Variants in GPAM observed in about 807,000 individuals in gnomAD.
GPAM encodes the protein glycerol-3-phosphate acyltransferase 1, mitochondrial.
A neutral mutation model predicts 105.0 loss-of-function variants in GPAM; 56 were observed. The ratio of observed to expected loss-of-function variants is 0.53; its 90% CI spans 0.43 to 0.67. The LOEUF is 0.67. Ranked by LOEUF, GPAM falls within the 30% of genes least tolerant of loss-of-function variation. GPAM has a pLI of 0.00. For missense variants in GPAM, 855 were observed against 989.8 expected, an observed-to-expected ratio of 0.86 and a Z score of 1.83; for synonymous variants, 368 against 354.4, an observed-to-expected ratio of 1.04 and a Z score of -0.43.
chr10:112,175,827 A>G, intron 5 of GPAM, 114 bp from the exon 6 acceptor site: 1 of 702,506 alleles, frequency 1.4e-6, no homozygotes. Context: ...TCTTTCTGAG[A>G]TTTAGGGTTC....
intron 11 of GPAM, among the ~76,000 whole-genome samples, chr10:112,167,319 G>A (rs1847235282): frequency 1.3e-5 from 2 of 152,168 alleles, no homozygotes; most frequent in Non-Finnish European, 2.9e-5. Context: ...GGAGTGGTAA[G>A]CTGGTAAAAC....
chr10:112,157,175 C>G, intron 19 of GPAM, 74 bp downstream of exon 19: 1 of 1,283,266 alleles, frequency 7.8e-7, no homozygotes, highest in Non-Finnish European at 1.1e-6. Context: ...ATCACCAGGA[C>G]TCCAGCTGAT....
chr10:112,178,690 T>C (rs1162601172), intron 4 of GPAM, among the ~76,000 whole-genome samples: 1 of 152,140 alleles, frequency 6.6e-6, no homozygotes, highest in East Asian at 1.9e-4. Context: ...ATTTCAGTTT[T>C]CCCAAAATAC....
chr10:112,159,485 A>G (rs1044906853), intron 17 of GPAM, among the ~76,000 whole-genome samples: 2 of 151,970 alleles, frequency 1.3e-5, no homozygotes, highest in Admixed American at 6.5e-5. Context: ...AGCCTCCCAA[A>G]GTGCTGAGAT....
intron 1 of GPAM, among the ~76,000 whole-genome samples, chr10:112,211,858 T>C (rs1365604794): frequency 6.6e-6 from 1 of 152,246 alleles, no homozygotes; most frequent in Non-Finnish European, 1.5e-5. Context: ...TAATGACCTT[T>C]TTCCTTAGGC....
chr10:112,162,022 T>C (rs1004677289), intron 14 of GPAM, among the ~76,000 whole-genome samples: 6 of 152,226 alleles, frequency 3.9e-5, no homozygotes, highest in Non-Finnish European at 8.8e-5. Context: ...GAGACACTTT[T>C]ATTGAAATAT....
At chr10:112,196,631 C>T (rs1847727745) in intron 1 of GPAM, among the ~76,000 whole-genome samples, 1 of 152,200 alleles carries the variant, frequency 6.6e-6, no homozygotes, top group Non-Finnish European at 1.5e-5. Context: ...ATGGTTTTAA[C>T]CACATCTTTT....
At chr10:112,220,393 AAATGGAACC>A in the GPAM span, among the ~76,000 whole-genome samples, 2 of 141,532 alleles carry the variant, frequency 1.4e-5, no homozygotes, top group Admixed American at 1.4e-4. Context: ...GCAGTAGGCA[AAATGGAACC>A]ACTGGGTGGT....
rs1847091547 is a variant in GPAM at position 112,159,930 on chromosome 10, T to C, written c.1883A>G (p.Asn628Ser). ...ACTCACCAGTGAGATGGTGCCTTCA[T>C]TGGAGAGAAGGTAGCACAGGCTGGC... ...KAASLCYLLS[N>S]EGTISLPCQT... Residue 628 changes from asparagine to serine, a missense_variant, in exon 17 of 22, where the codon AAT becomes AGT. Coordinates refer to ENST00000348367, the MANE Select transcript of GPAM (RefSeq NM_001244949.2). The C allele has an allele frequency of 1.2e-6, 2 of 1,613,702 alleles. No individual in the cohort carries two copies. Among genetic ancestry groups the C allele is most frequent in the South Asian group, 2.2e-5 (2 of 91,076 alleles).
intron 14 of GPAM, 128 bp from the exon 15 acceptor site, chr10:112,161,865 G>A: frequency 1.3e-6 from 1 of 743,572 alleles, no homozygotes; most frequent in Non-Finnish European, 2.4e-6. Flanking sequence ...TTTCCCATAA[G>A]TGTGATTTAC....
At chr10:112,184,715 G>C (rs919101031), upstream of GPAM, among the ~76,000 whole-genome samples, 32 of 152,318 alleles carry the variant, frequency 2.1e-4, no homozygotes, top group African/African-American at 7.7e-4. Flanking sequence ...AGAGGGAGCA[G>C]CCAAAAAGAG....
At chr10:112,197,495 T>G (rs1847738023) in intron 1 of GPAM, among the ~76,000 whole-genome samples, 1 of 151,930 alleles carries the variant, frequency 6.6e-6, no homozygotes, top group African/African-American at 2.4e-5. Flanking sequence ...TTTATTTATT[T>G]TTTTATTATA....
chr10:112,151,632 G>A lies in GPAM; in HGVS notation c.*1918C>T. On this transcript the variant is annotated 3_prime_UTR_variant, in exon 22 of 22. Transcript: ENST00000348367. ...TATTTTCTTTGCTTAGGTTGGCAAAGCAGCAGCTCTTTGCAGCAATGACAG... is the reference window on the plus strand; with the variant it reads ...TATTTTCTTTGCTTAGGTTGGCAAAACAGCAGCTCTTTGCAGCAATGACAG... 3.0e-6 allele frequency: 3 copies of A among 985,500 alleles called. No homozygotes were observed. Among genetic ancestry groups the A allele is most frequent in the South Asian group, 9.4e-5 (2 of 21,286 alleles). The allele number at this position is 985,500 out of a possible 1,614,324, so 61.0% of individuals were successfully genotyped here. A position where few individuals can be genotyped will look rare whatever the true frequency, so the allele number is the denominator to read the frequency against.
intron 9 of GPAM, among the ~76,000 whole-genome samples, chr10:112,169,222 A>G (rs1316344726): frequency 6.6e-6 from 1 of 152,180 alleles, no homozygotes; most frequent in African/African-American, 2.4e-5. Context: ...ATGACATATT[A>G]CCCGTAAAAA....
At chr10:112,199,641 G>A (rs1034647383) in intron 1 of GPAM, among the ~76,000 whole-genome samples, 1 of 152,190 alleles carries the variant, frequency 6.6e-6, no homozygotes, top group Non-Finnish European at 1.5e-5. Flanking sequence ...TCACGCTGCT[G>A]ATAAAGGTAA....
In GPAM at chr10:112,209,436, A is replaced by T. The variant is rs533744555; in HGVS notation, n.210+5732T>A. On this transcript the variant is annotated intron_variant and non_coding_transcript_variant, in intron 1 of 3. Transcript: ENST00000480130. ...CTCAGCCTGAGCATCAGCCCACAGG[A>T]TAATTAAAATGTGCTCCAAGGGGAG... Among the ~76,000 whole-genome samples, 5 of 152,028 alleles carry T rather than the reference A, an allele frequency of 3.3e-5. No individual in the cohort carries two copies. In the South Asian group the frequency reaches 1.0e-3, roughly 32 times the overall value.
chr10:112,151,290 G>A lies in GPAM; in HGVS notation c.*2260C>T, dbSNP rs770172594. 2.0e-6 allele frequency: 2 copies of A among 985,564 alleles called. No homozygotes were observed. Among genetic ancestry groups the A allele is most frequent in the Non-Finnish European group, 2.4e-6 (2 of 829,760 alleles). The allele number at this position is 985,564 out of a possible 1,614,324, so 61.1% of individuals were successfully genotyped here. A position where few individuals can be genotyped will look rare whatever the true frequency, so the allele number is the denominator to read the frequency against. On this transcript the variant is annotated 3_prime_UTR_variant, in exon 22 of 22. Transcript: ENST00000348367. ...AGAATGTATCTTTTAGCAAAACGGT[G>A]CTATCTGGAAGCTTCATTGTGAAGA...
intron 17 of GPAM, among the ~76,000 whole-genome samples, chr10:112,159,220 T>C (rs1014776840): frequency 2.2e-5 from 3 of 139,384 alleles, no homozygotes; most frequent in Admixed American, 7.1e-5. Context: ...GATTTTCTTT[T>C]TTTTTTTTTT....
chr10:112,168,448 G>C lies in GPAM; in HGVS notation c.971C>G (p.Thr324Ser), dbSNP rs2133246588. Residue 324 changes from threonine (T) to serine (S), a missense_variant, in exon 11 of 22, where the codon ACC becomes AGC. Thr to Ser is a moderately conservative substitution (Grantham distance 58). Transcript: ENST00000348367. The part of the protein sequence containing the change: ...LEGTRSRSGK[T>S]SCARAGLLSV... ...CAAAAGTCCTGCCCGAGCACAAGAG[G>C]TTTTTCCACTCCTAGAACGTGTGCC... 6.2e-7 allele frequency: 1 copy of C among 1,612,474 alleles called. No individual in the cohort carries two copies. Among genetic ancestry groups the C allele is most frequent in the Middle Eastern group, 1.6e-4 (1 of 6,062 alleles).
Sources: allele counts gnomAD v4.1 joint callset (sites outside exome capture counted in the v4.1 genomes callset), GRCh38; gene constraint gnomAD v4.1.1; transcripts MANE v1.5; gene names NCBI Gene and HGNC (gene_info 2026-07-23, HGNC 2026-07-21).